Variants in RCBTB1 observed in about 807,000 individuals in gnomAD.
RCBTB1 encodes the protein RCC1 and BTB domain-containing protein 1.
A neutral mutation model predicts 62.4 loss-of-function variants in RCBTB1; 46 were observed. The ratio of observed to expected loss-of-function variants is 0.74; its 90% CI spans 0.58 to 0.94. RCBTB1 has a LOEUF of 0.94. Ranked by LOEUF, RCBTB1 falls within the 40% of genes least tolerant of loss-of-function variation. The pLI is 0.00. For synonymous variants in RCBTB1, 222 were observed against 245.8 expected (o/e 0.90, Z 0.91); for missense variants, 565 against 654.9 (o/e 0.86, Z 1.50).
chr13:49,583,517 C>A (rs778357364), intron 1 of RCBTB1, among the ~76,000 whole-genome samples: 5 of 151,962 alleles, frequency 3.3e-5, no homozygotes, highest in Non-Finnish European at 7.4e-5. Context: ...TCATCATACC[C>A]CTCTTGTGCA....
intron 2 of RCBTB1, among the ~76,000 whole-genome samples, chr13:49,573,990 G>T (rs1963592842): frequency 6.8e-6 from 1 of 147,346 alleles, no homozygotes; most frequent in Non-Finnish European, 1.5e-5. Context: ...CACCATGTTG[G>T]CCAGGCTGGT....
chr13:49,581,404 A>G (rs1299978558), intron 1 of RCBTB1, among the ~76,000 whole-genome samples: 1 of 152,174 alleles, frequency 6.6e-6, no homozygotes, highest in Non-Finnish European at 1.5e-5. Flanking sequence ...AGTGAGAGAG[A>G]ACTGTGCTGC....
chr13:49,581,584 T>C (rs1964102584), intron 1 of RCBTB1, among the ~76,000 whole-genome samples: 1 of 152,038 alleles, frequency 6.6e-6, no homozygotes, highest in African/African-American at 2.4e-5. Flanking sequence ...TGGCATGAAA[T>C]CACCCAGGAA....
chr13:49,566,644 C>T lies in RCBTB1; in HGVS notation c.251G>A (p.Gly84Glu), dbSNP rs1434541137. 3 of 1,613,900 alleles carry T rather than the reference C, an allele frequency of 1.9e-6. No homozygotes were observed. Among genetic ancestry groups the T allele is most frequent in the African/African-American group, 1.3e-5 (1 of 74,930 alleles). The change falls in exon 4 of 13, where the codon GGA becomes GAA. Residue 84 changes from glycine (G) to glutamate (E), a missense_variant. Physicochemically the swap from Gly to Glu is moderately conservative, Grantham distance 98. Transcript: ENST00000378302. ...KKIKSLSYGS[G>E]PHVLLSTEDG... ...TTCGGTGCTGAGAAGAACATGTGGT[C>T]CACTCCCGTAACTGAGGCTTTTAAT... is the stretch of plus-strand genomic sequence containing the variant.
intron 4 of RCBTB1, among the ~76,000 whole-genome samples, chr13:49,565,458 G>A (rs1043597930): frequency 1.5e-4 from 22 of 149,504 alleles, no homozygotes; most frequent in African/African-American, 5.2e-4. Context: ...AGTGAGGAGC[G>A]TCTCTGCCTG....
intron 6 of RCBTB1, among the ~76,000 whole-genome samples, chr13:49,552,508 G>A (rs1373424030): frequency 6.6e-6 from 1 of 152,100 alleles, no homozygotes; most frequent in Non-Finnish European, 1.5e-5. Flanking sequence ...TCTGGGGCAA[G>A]TCACTCTTTC....
rs993009382 is a variant in RCBTB1, at chr13:49,555,367, C to T, written c.603+148G>A. 3 of 671,412 alleles carry T rather than the reference C, an allele frequency of 4.5e-6. No homozygotes were observed. In the African/African-American group the frequency reaches 5.5e-5, roughly 12 times the overall value. 41.6% of individuals were successfully genotyped at this position (671,412 alleles called of 1,614,324 possible). ...ATACTGAGGAGCAAAAAACCTCCAG[C>T]TCCTCAGTCAGTAATCAGTTAACTT... is the stretch of plus-strand genomic sequence containing the variant. On this transcript the variant is annotated intron_variant, in intron 6 of 12. Transcript: ENST00000378302.
In RCBTB1 at chr13:49,534,094, C is replaced by T; in HGVS notation, c.*28G>A. ...ACATCCTCAACAGTGCCCCAGAGCA[C>T]TCACACAGAACCCAGCAGCCTTGCG... On this transcript the variant is annotated 3_prime_UTR_variant, in exon 13 of 13. Coordinates refer to ENST00000378302, the MANE Select transcript of RCBTB1 (RefSeq NM_018191.4). 1 of 1,607,878 alleles carries T rather than the reference C, an allele frequency of 6.2e-7. No homozygotes were observed. The highest frequency in any genetic ancestry group is 8.5e-7 in the Non-Finnish European group (1 of 1,176,618).
chr13:49,565,804 C>A (rs1355233627), intron 4 of RCBTB1, among the ~76,000 whole-genome samples: 4 of 139,650 alleles, frequency 2.9e-5, no homozygotes, highest in Admixed American at 7.1e-5. Context: ...ATGACGATGG[C>A]GGTTTCGTCG....
chr13:49,563,165 C>T (rs998972204), intron 4 of RCBTB1, among the ~76,000 whole-genome samples: 5 of 149,788 alleles, frequency 3.3e-5, no homozygotes, highest in African/African-American at 9.8e-5. Context: ...TTTGGGAGGC[C>T]GAGCCACAAG....
chr13:49,544,206 A>AC (rs1422069077), intron 10 of RCBTB1, among the ~76,000 whole-genome samples: 8 of 152,232 alleles, frequency 5.3e-5, no homozygotes, highest in African/African-American at 1.9e-4. Flanking sequence ...GTGGTAGCTC[A>AC]CATCTGTAAT....
intron 4 of RCBTB1, among the ~76,000 whole-genome samples, chr13:49,564,116 C>G (rs900429897): frequency 6.6e-6 from 1 of 152,132 alleles, no homozygotes; most frequent in African/African-American, 2.4e-5. Flanking sequence ...ACAAAATGTC[C>G]ACTCTCCCTT....
At chr13:49,534,909 C>T (rs1325885514) in intron 12 of RCBTB1, among the ~76,000 whole-genome samples, 1 of 152,088 alleles carries the variant, frequency 6.6e-6, no homozygotes, top group East Asian at 1.9e-4. Flanking sequence ...TGGTGGATGC[C>T]TGTAATCCCA....
At chr13:49,547,930 G>T (rs1960949055) in intron 9 of RCBTB1, among the ~76,000 whole-genome samples, 2 of 114,428 alleles carry the variant, frequency 1.7e-5, no homozygotes, top group African/African-American at 6.7e-5. Flanking sequence ...TGATACTACA[G>T]GCAGGCACCA....
chr13:49,566,754 T>C lies in RCBTB1; in HGVS notation c.141A>G (p.Gly47=). 1.9e-6 allele frequency: 3 copies of C among 1,605,502 alleles called. No homozygotes were observed. Among genetic ancestry groups the C allele is most frequent in the Non-Finnish European group, 2.5e-6 (3 of 1,177,604 alleles). The change falls in exon 4 of 13, where the codon GGA becomes GGG. Residue 47 remains glycine, a synonymous_variant. Coordinates refer to ENST00000378302, the MANE Select transcript of RCBTB1 (RefSeq NM_018191.4). ...TTCCTAGACAGTTACTATAGTTCAG[T>C]CCAAATACAAAGACCTAGAAAATAG... ...VTDNDEVFVF[G]LNYSNCLGTG... is the part of the protein sequence containing the mutation.
Position 49,585,427 on chromosome 13 carries a change from C to A in RCBTB1, c.-122+17G>T, listed in dbSNP as rs922986435. ...GGAAGAGGCCTCCGCGAGCTCGACCCCGCGCCCACACGCTACCTGCGAGGT... is the reference window on the plus strand; with the variant it reads ...GGAAGAGGCCTCCGCGAGCTCGACCACGCGCCCACACGCTACCTGCGAGGT... On this transcript the variant is annotated intron_variant, in intron 1 of 12. Coordinates refer to ENST00000378302, the MANE Select transcript of RCBTB1 (RefSeq NM_018191.4). 1 of 152,400 alleles carries A rather than the reference C, an allele frequency of 6.6e-6. No homozygotes were observed. The highest frequency in any genetic ancestry group is 1.5e-5 in the Non-Finnish European group (1 of 68,212). The allele number at this position is 152,400 out of a possible 1,614,324, so 9.4% of individuals were successfully genotyped here. A position where few individuals can be genotyped will look rare whatever the true frequency, so the allele number is the denominator to read the frequency against.
intron 1 of RCBTB1, among the ~76,000 whole-genome samples, chr13:49,583,029 T>C (rs954334427): frequency 3.3e-5 from 5 of 151,986 alleles, no homozygotes; most frequent in Non-Finnish European, 7.4e-5. Context: ...ATAAAAAAAT[T>C]AGTCGAATGT....
intron 1 of RCBTB1, among the ~76,000 whole-genome samples, chr13:49,582,295 T>C (rs533925394): frequency 1.1e-4 from 17 of 152,328 alleles, no homozygotes; most frequent in African/African-American, 4.1e-4. Context: ...GAGACCGGCC[T>C]GGCCAACATG....
intron 2 of RCBTB1, among the ~76,000 whole-genome samples, chr13:49,568,982 G>T (rs1463702674): frequency 6.6e-6 from 1 of 152,118 alleles, no homozygotes; most frequent in Admixed American, 6.5e-5. Flanking sequence ...AACTTACTGG[G>T]CACTATGTGC....
Sources: allele counts gnomAD v4.1 joint callset (sites outside exome capture counted in the v4.1 genomes callset), GRCh38; gene constraint gnomAD v4.1.1; transcripts MANE v1.5; gene names NCBI Gene and HGNC (gene_info 2026-07-23, HGNC 2026-07-21).